The following BTF3L4 variants were observed in gnomAD, a reference collection of about 807,000 sequenced individuals.
BTF3L4 encodes the protein basic transcription factor 3 like 4.
BTF3L4 carries 6 observed loss-of-function variants against 16.8 expected under a neutral mutation model. That is an observed-to-expected ratio of 0.36 (90% CI 0.20 to 0.71). The LOEUF (loss-of-function observed/expected upper bound fraction) is 0.71, where lower values mean the gene tolerates loss of function less well. Among genes scored for constraint, BTF3L4 ranks in the 30% least tolerant of loss-of-function variants. The pLI is 0.58. For missense variants in BTF3L4, 92 were observed against 186.9 expected, an observed-to-expected ratio of 0.49 and a Z score of 2.96; for synonymous variants, 39 against 59.8, an observed-to-expected ratio of 0.65 and a Z score of 1.60.
chr1:52,085,525 A>C (rs1322234259), intron 4 of BTF3L4, among the ~76,000 whole-genome samples: 1 of 151,944 alleles, frequency 6.6e-6, no homozygotes, highest in Non-Finnish European at 1.5e-5. Flanking sequence ...CTTTTTACTC[A>C]GTGATCAGTT....
chr1:52,068,015 A>G (rs1487534838), intron 3 of BTF3L4, among the ~76,000 whole-genome samples: 1 of 151,860 alleles, frequency 6.6e-6, no homozygotes, highest in African/African-American at 2.4e-5. Flanking sequence ...AAAAAATTAT[A>G]CCTTCCTTGC....
chr1:52,062,136 T>G (rs549976065), intron 2 of BTF3L4, among the ~76,000 whole-genome samples: 43 of 151,342 alleles, frequency 2.8e-4, no homozygotes, highest in African/African-American at 9.5e-4. Flanking sequence ...ACACAGAGTT[T>G]CACCATGTTA....
intron 5 of BTF3L4, 35 bp downstream of exon 5, chr1:52,086,206 C>G: frequency 6.6e-7 from 1 of 1,523,874 alleles, no homozygotes; most frequent in Non-Finnish European, 9.0e-7. Flanking sequence ...AGATTTTAAG[C>G]ATCCTGTTTA....
chr1:52,066,033 G>A (rs549339299), intron 3 of BTF3L4, among the ~76,000 whole-genome samples: 8 of 150,964 alleles, frequency 5.3e-5, no homozygotes, highest in South Asian at 2.1e-4. Flanking sequence ...GTGAGCATCC[G>A]TCTCAAAAAA....
Position 52,088,336 on chromosome 1 carries a change from G to T in BTF3L4, c.*1578G>T, listed in dbSNP as rs548983099. ...TTTTATAAATTCGTTCATTTTTCCT[G>T]TTATGTTTTATATAATATATGGACT... On this transcript the variant is annotated 3_prime_UTR_variant, in exon 6 of 6. Transcript: ENST00000313334. 11 of 152,356 alleles carry T rather than the reference G, an allele frequency of 7.2e-5. No homozygotes were observed. Among genetic ancestry groups the T allele is most frequent in the Admixed American group, 5.9e-4 (9 of 15,242 alleles). 9.4% of individuals were successfully genotyped at this position (152,356 alleles called of 1,614,324 possible). A position where few individuals can be genotyped will look rare whatever the true frequency, so the allele number is the denominator to read the frequency against.
At chr1:52,086,010 A>T in intron 4 of BTF3L4, 102 bp from the exon 5 acceptor site, 1 of 642,964 alleles carries the variant, frequency 1.6e-6, no homozygotes, top group Non-Finnish European at 2.5e-6. Flanking sequence ...GCTATTTCTG[A>T]GCAACTCTGT....
chr1:52,063,131 G>A (rs1448539065), intron 2 of BTF3L4, among the ~76,000 whole-genome samples: 2 of 152,148 alleles, frequency 1.3e-5, no homozygotes, highest in Admixed American at 1.3e-4. Context: ...TTAGGAGTTG[G>A]AATTGACACG....
chr1:52,079,024 T>C (rs1213865665), intron 3 of BTF3L4, among the ~76,000 whole-genome samples: 2 of 152,176 alleles, frequency 1.3e-5, no homozygotes, highest in South Asian at 2.1e-4. Context: ...AGAAGTGAAG[T>C]CTCGATATTA....
intron 3 of BTF3L4, among the ~76,000 whole-genome samples, chr1:52,076,581 G>A (rs939815708): frequency 2.7e-5 from 4 of 148,698 alleles, no homozygotes; most frequent in South Asian, 2.1e-4. Flanking sequence ...GTGACAGAGC[G>A]AGATTCTGTC....
chr1:52,074,568 G>A (rs1228924606), intron 3 of BTF3L4, among the ~76,000 whole-genome samples: 6 of 152,042 alleles, frequency 3.9e-5, no homozygotes, highest in Non-Finnish European at 8.8e-5. Context: ...CTCCATGTTG[G>A]TCAGGCTGGT....
intron 4 of BTF3L4, among the ~76,000 whole-genome samples, chr1:52,084,803 A>G (rs1643955330): frequency 1.3e-5 from 2 of 151,752 alleles, no homozygotes; most frequent in African/African-American, 2.4e-5. Flanking sequence ...CTAAAAAAAA[A>G]AAAAGAAAAA....
chr1:52,059,811 A>G, intron 1 of BTF3L4, 24 bp from the exon 2 acceptor site: 2 of 1,610,928 alleles, frequency 1.2e-6, no homozygotes, highest in Non-Finnish European at 1.7e-6. Flanking sequence ...AGTGACTTTA[A>G]CAAATCTATT....
rs938326739 is a variant in BTF3L4, at chr1:52,088,348, A to G, written c.*1590A>G. 1 of 152,534 alleles carries G rather than the reference A, an allele frequency of 6.6e-6. No homozygotes were observed. The highest frequency in any genetic ancestry group is 2.4e-5 in the African/African-American group (1 of 41,412). 9.4% of individuals were successfully genotyped at this position (152,534 alleles called of 1,614,324 possible). On this transcript the variant is annotated 3_prime_UTR_variant, in exon 6 of 6. Coordinates refer to ENST00000313334, the MANE Select transcript of BTF3L4 (RefSeq NM_152265.5). The stretch of plus-strand genomic sequence containing the variant: ...GTTCATTTTTCCTGTTATGTTTTAT[A>G]TAATATATGGACTAAACAAAATAAA...
chr1:52,074,417 G>T (rs998844179), intron 3 of BTF3L4, among the ~76,000 whole-genome samples: 5 of 151,146 alleles, frequency 3.3e-5, no homozygotes, highest in Non-Finnish European at 7.4e-5. Flanking sequence ...AGGCTGGAGT[G>T]CGGTGGGGCA....
At chr1:52,074,499 G>T (rs1023523231) in intron 3 of BTF3L4, among the ~76,000 whole-genome samples, 3 of 152,070 alleles carry the variant, frequency 2.0e-5, no homozygotes, top group African/African-American at 7.2e-5. Flanking sequence ...GAGTAGCTGG[G>T]ACTACAGGCA....
At chr1:52,066,185 A>G (rs1006864685) in intron 3 of BTF3L4, among the ~76,000 whole-genome samples, 2 of 151,916 alleles carry the variant, frequency 1.3e-5, no homozygotes, top group African/African-American at 4.8e-5. Context: ...CCTCTGCCTG[A>G]TGATTCCATT....
intron 1 of BTF3L4, among the ~76,000 whole-genome samples, chr1:52,058,543 C>T (rs1686430917): frequency 6.6e-6 from 1 of 151,882 alleles, no homozygotes; most frequent in African/African-American, 2.4e-5. Context: ...TATTCCCTCC[C>T]TCACATCTCA....
rs1457782726 is a variant in BTF3L4 at position 52,064,856 on chromosome 1, A to G, written c.86A>G (p.His29Arg). Reference sequence around the variant, plus strand: ...GCTCGCAGAAAGAAGAAGGTGGTACATAGAACAGCCACAGCTGATGACAAA... The same window carrying G: ...GCTCGCAGAAAGAAGAAGGTGGTACGTAGAACAGCCACAGCTGATGACAAA... ...GTARRKKKVV[H>R]RTATADDKKL... Residue 29 changes from histidine (H) to arginine (R), a missense_variant, in exon 3 of 6, where the codon CAT (histidine) becomes CGT (arginine). Physicochemically the swap from His to Arg is conservative, Grantham distance 29. Coordinates refer to ENST00000313334, the MANE Select transcript of BTF3L4 (RefSeq NM_152265.5). 1.2e-6 allele frequency: 2 copies of G among 1,612,842 alleles called. No individual in the cohort carries two copies. The highest frequency in any genetic ancestry group is 1.7e-5 in the Admixed American group (1 of 59,820).
At chr1:52,068,108 ATAATTAG>A (rs1686699595) in intron 3 of BTF3L4, among the ~76,000 whole-genome samples, 2 of 152,230 alleles carry the variant, frequency 1.3e-5, no homozygotes, top group African/African-American at 4.8e-5. Context: ...TATGCCTCTC[ATAATTAG>A]TAAAACTTTT....
Sources: allele counts gnomAD v4.1 joint callset (sites outside exome capture counted in the v4.1 genomes callset), GRCh38; gene constraint gnomAD v4.1.1; transcripts MANE v1.5; gene names NCBI Gene and HGNC (gene_info 2026-07-23, HGNC 2026-07-21).